Variants in TCF12 observed in about 807,000 individuals in gnomAD.
TCF12 encodes the protein DNA-binding protein HTF4.
Under a neutral mutation model 86.0 loss-of-function variants are expected in TCF12, and 45 were observed. The ratio of observed to expected loss-of-function variants is 0.52; its 90% CI spans 0.41 to 0.67. The LOEUF is 0.67. TCF12 is among the 30% of genes least tolerant of loss of function. The pLI, the probability that TCF12 is intolerant of heterozygous loss-of-function variation, is 0.00. For synonymous variants in TCF12, 330 were observed against 299.6 expected (o/e 1.10, Z -1.05); for missense variants, 881 against 859.9 (o/e 1.02, Z -0.31).
At chr15:57,083,355 G>A (rs954770037) in intron 4 of TCF12, among the ~76,000 whole-genome samples, 3 of 152,122 alleles carry the variant, frequency 2.0e-5, no homozygotes. Context: ...GATAAAAAGA[G>A]ATTTTTTTCC....
intron 3 of TCF12, among the ~76,000 whole-genome samples, chr15:57,056,116 GGTGTGTGTGTGTGT>G (rs137934114): frequency 1.4e-4 from 20 of 143,238 alleles, no homozygotes; most frequent in Admixed American, 6.2e-4. Context: ...TAGTTTTAGG[GGTGTGTGTGTGTGT>G]GTGTGTGTGT....
At chr15:57,104,854 T>C (rs1206536019) in intron 5 of TCF12, among the ~76,000 whole-genome samples, 1 of 145,540 alleles carries the variant, frequency 6.9e-6, no homozygotes, top group Non-Finnish European at 1.5e-5. Flanking sequence ...TGCTGGTCTT[T>C]GGTGGTGTTT....
chr15:56,971,920 G>T (rs759180266), intron 3 of TCF12, among the ~76,000 whole-genome samples: 1 of 152,138 alleles, frequency 6.6e-6, no homozygotes, highest in Non-Finnish European at 1.5e-5. Context: ...ATGGAAGAAG[G>T]GGGTATGACC....
intron 3 of TCF12, among the ~76,000 whole-genome samples, chr15:56,933,113 G>T (rs1293176225): frequency 9.2e-5 from 14 of 152,016 alleles, no homozygotes; most frequent in African/African-American, 1.2e-4. Flanking sequence ...AGAAAAGAAT[G>T]GTTACTTCAT....
chr15:57,154,936 A>C (rs1402298589), intron 5 of TCF12, among the ~76,000 whole-genome samples: 1 of 152,204 alleles, frequency 6.6e-6, no homozygotes, highest in Non-Finnish European at 1.5e-5. Context: ...ACTAAAATTT[A>C]ATTACCCCTT....
chr15:57,172,010 G>A (rs927167598), intron 6 of TCF12, among the ~76,000 whole-genome samples: 3 of 152,086 alleles, frequency 2.0e-5, no homozygotes, highest in Non-Finnish European at 4.4e-5. Flanking sequence ...TCTGAGTTCA[G>A]ATATTATACC....
intron 13 of TCF12, among the ~76,000 whole-genome samples, chr15:57,249,013 G>C (rs986946251): frequency 6.6e-6 from 1 of 152,034 alleles, no homozygotes; most frequent in Admixed American, 6.5e-5. Context: ...GTTACGGGGG[G>C]GCTTACAGAA....
chr15:57,200,486 A>T (rs2057486457), intron 8 of TCF12, among the ~76,000 whole-genome samples: 1 of 152,168 alleles, frequency 6.6e-6, no homozygotes, highest in African/African-American at 2.4e-5. Context: ...ATTTTATGAT[A>T]ATTTGAATAT....
chr15:57,083,250 T>A (rs1227041944), intron 4 of TCF12, among the ~76,000 whole-genome samples: 2 of 152,144 alleles, frequency 1.3e-5, no homozygotes, highest in Non-Finnish European at 2.9e-5. Context: ...GGCACATGAC[T>A]TTTTATTATG....
intron 3 of TCF12, among the ~76,000 whole-genome samples, chr15:57,045,243 C>T (rs1443352767): frequency 2.0e-5 from 3 of 152,000 alleles, no homozygotes; most frequent in African/African-American, 7.2e-5. Context: ...GGAACTGGGG[C>T]AAAAAAGTGT....
rs1344687497 is a variant in TCF12, at chr15:57,289,303, G to A, written c.*3158G>A. 1 of 152,114 alleles carries A rather than the reference G, an allele frequency of 6.6e-6. No individual in the cohort carries two copies. The highest frequency in any genetic ancestry group is 2.4e-5 in the African/African-American group (1 of 41,412). The allele number at this position is 152,114 out of a possible 1,614,324, so 9.4% of individuals were successfully genotyped here. On this transcript the variant is annotated 3_prime_UTR_variant, in exon 21 of 21. Coordinates refer to ENST00000333725, the MANE Select transcript of TCF12 (RefSeq NM_207037.2). ...AAATAAAAAGCTCTAAGAAGAAAAT[G>A]TATAATCTTAGAGCTGAAATAAAAT... is the stretch of plus-strand genomic sequence containing the variant.
intron 3 of TCF12, among the ~76,000 whole-genome samples, chr15:56,925,464 G>C (rs1297608407): frequency 6.6e-6 from 1 of 152,138 alleles, no homozygotes; most frequent in Non-Finnish European, 1.5e-5. Context: ...CTTTTGAAAT[G>C]AGAAGATAAA....
Position 57,234,011 on chromosome 15 carries a change from A to G in TCF12, c.971-32A>G, listed in dbSNP as rs751976999. The G allele has an allele frequency of 3.8e-6, 6 of 1,590,204 alleles. No homozygotes were observed. The Admixed American group carries it at 1.0e-4, about 27-fold the overall frequency. ...CTAAAATATAATACTTGCTTGTAAA[A>G]TTCTTGATTTATTTCTCTATGAAAT... On this transcript the variant is annotated intron_variant, in intron 11 of 20. Transcript: ENST00000333725.
At chr15:57,078,697 G>A (rs2070358963) in intron 4 of TCF12, among the ~76,000 whole-genome samples, 1 of 152,164 alleles carries the variant, frequency 6.6e-6, no homozygotes, top group Non-Finnish European at 1.5e-5. Flanking sequence ...AGTGTTGAAG[G>A]AGAAAATGGG....
chr15:57,223,615 A>G (rs1284790316), intron 8 of TCF12, among the ~76,000 whole-genome samples: 3 of 129,820 alleles, frequency 2.3e-5, no homozygotes, highest in South Asian at 2.7e-4. Flanking sequence ...TGGTTTAGCC[A>G]TGGTTTTGGC....
intron 5 of TCF12, among the ~76,000 whole-genome samples, chr15:57,159,887 A>G (rs1191102117): frequency 1.3e-5 from 2 of 152,240 alleles, no homozygotes; most frequent in Non-Finnish European, 2.9e-5. Flanking sequence ...TTTCTTGAAT[A>G]GTATCTATTC....
At chr15:57,188,607 G>A (rs1235537996) in intron 6 of TCF12, among the ~76,000 whole-genome samples, 1 of 152,028 alleles carries the variant, frequency 6.6e-6, no homozygotes, top group Non-Finnish European at 1.5e-5. Flanking sequence ...TAGACCAATG[G>A]GATAGAATTT....
chr15:57,066,986 A>G (rs1310373489), intron 4 of TCF12, among the ~76,000 whole-genome samples: 1 of 152,194 alleles, frequency 6.6e-6, no homozygotes, highest in Non-Finnish European at 1.5e-5. Context: ...TGATGCATAA[A>G]TGAGCTCCAC....
intron 8 of TCF12, among the ~76,000 whole-genome samples, chr15:57,208,659 A>C (rs1054111424): frequency 8.6e-5 from 13 of 151,980 alleles, no homozygotes; most frequent in African/African-American, 2.4e-4. Flanking sequence ...TCCTGGGATT[A>C]CATGCGTGAG....
Sources: gnomAD v4.1 joint callset for allele counts (sites outside exome capture counted in the v4.1 genomes callset) on GRCh38, gnomAD v4.1.1 for gene constraint, MANE v1.5 for transcripts, NCBI Gene and HGNC (gene_info 2026-07-23, HGNC 2026-07-21) for gene names.